Variants in UVRAG observed in about 807,000 individuals in gnomAD.
UVRAG encodes the protein UV radiation resistance associated, also known as UV radiation resistance-associated gene protein.
UVRAG carries 19 observed loss-of-function variants against 78.0 expected under a neutral mutation model. The ratio of observed to expected loss-of-function variants is 0.24; its 90% CI spans 0.17 to 0.36. The LOEUF (loss-of-function observed/expected upper bound fraction) is 0.36, where lower values mean the gene tolerates loss of function less well. Among genes scored for constraint, UVRAG ranks in the 10% least tolerant of loss-of-function variants. UVRAG has a pLI of 1.00. For synonymous variants in UVRAG, 323 were observed against 324.6 expected, an observed-to-expected ratio of 1.00 and a Z score of 0.05; for missense variants, 740 against 853.8, an observed-to-expected ratio of 0.87 and a Z score of 1.66.
At chr11:75,864,704 C>CT (rs1319481380) in intron 3 of UVRAG, among the ~76,000 whole-genome samples, 2 of 152,196 alleles carry the variant, frequency 1.3e-5, no homozygotes, top group African/African-American at 2.4e-5. Context: ...GAATTCTTCC[C>CT]TAAGGATATT....
chr11:76,139,703 C>G (rs1161785560), intron 14 of UVRAG, among the ~76,000 whole-genome samples: 3 of 152,156 alleles, frequency 2.0e-5, no homozygotes, highest in African/African-American at 7.2e-5. Flanking sequence ...CCATCATTTC[C>G]AGGATGTAGA....
At chr11:76,087,321 A>G (rs1247359902) in intron 13 of UVRAG, among the ~76,000 whole-genome samples, 3 of 152,212 alleles carry the variant, frequency 2.0e-5, no homozygotes, top group Non-Finnish European at 4.4e-5. Context: ...GGTGAGCAGT[A>G]TGGTAGGTAG....
At chr11:75,876,144 C>G (rs1409340038) in intron 3 of UVRAG, among the ~76,000 whole-genome samples, 4 of 152,104 alleles carry the variant, frequency 2.6e-5, no homozygotes, top group Non-Finnish European at 4.4e-5. Flanking sequence ...TTTGGAAATT[C>G]TTTGATGTTA....
At chr11:75,941,387 G>C (rs1485888578) in intron 6 of UVRAG, among the ~76,000 whole-genome samples, 1 of 151,924 alleles carries the variant, frequency 6.6e-6, no homozygotes, top group South Asian at 2.1e-4. Context: ...TTTCTAAAAA[G>C]CCTTCTTTAA....
chr11:76,124,840 T>G (rs548611614), intron 14 of UVRAG, among the ~76,000 whole-genome samples: 2 of 152,306 alleles, frequency 1.3e-5, no homozygotes, highest in South Asian at 4.1e-4. Flanking sequence ...ACCTAAGAAC[T>G]TTGACACATT....
At chr11:75,858,332 T>C (rs1946339158) in intron 2 of UVRAG, among the ~76,000 whole-genome samples, 1 of 152,198 alleles carries the variant, frequency 6.6e-6, no homozygotes, top group African/African-American at 2.4e-5. Context: ...TTCTTATTCC[T>C]TTCTCTCCTC....
chr11:75,892,116 C>T (rs1338170016), intron 5 of UVRAG, among the ~76,000 whole-genome samples: 2 of 152,188 alleles, frequency 1.3e-5, no homozygotes, highest in African/African-American at 4.8e-5. Context: ...AAACCAAGGT[C>T]TTCCTCTTAT....
chr11:76,129,357 C>G (rs1022465450), intron 14 of UVRAG, among the ~76,000 whole-genome samples: 1 of 152,250 alleles, frequency 6.6e-6, no homozygotes, highest in South Asian at 2.1e-4. Flanking sequence ...TCATTCCTCT[C>G]TGAATGCTCC....
At chr11:76,009,477 G>T (rs1591127808) in intron 11 of UVRAG, among the ~76,000 whole-genome samples, 1 of 152,142 alleles carries the variant, frequency 6.6e-6, no homozygotes, top group Non-Finnish European at 1.5e-5. Flanking sequence ...GCATATCAGT[G>T]ATCATTTTTA....
chr11:75,954,538 T>C (rs1322601805), intron 6 of UVRAG, among the ~76,000 whole-genome samples: 2 of 152,252 alleles, frequency 1.3e-5, no homozygotes, highest in Non-Finnish European at 2.9e-5. Context: ...TTTGATACAC[T>C]ATTTTGAAGT....
chr11:75,913,229 A>G (rs763835565), intron 6 of UVRAG, among the ~76,000 whole-genome samples: 1 of 152,230 alleles, frequency 6.6e-6, no homozygotes, highest in Non-Finnish European at 1.5e-5. Flanking sequence ...TATGTTCTAA[A>G]TGTGAGATTG....
intron 13 of UVRAG, among the ~76,000 whole-genome samples, chr11:76,089,183 G>T (rs1181105181): frequency 6.6e-6 from 1 of 152,126 alleles, no homozygotes; most frequent in African/African-American, 2.4e-5. Context: ...TGTCTAGGAA[G>T]ATAATGCAGG....
chr11:76,020,256 G>A lies in UVRAG; in HGVS notation c.1226+3276G>A, dbSNP rs905168306. 1.9e-4 allele frequency among the ~76,000 whole-genome samples: 29 copies of A among 152,150 alleles called. 1 individual carries two copies. Among genetic ancestry groups the A allele is most frequent in the Admixed American group, 5.9e-4 (9 of 15,264 alleles). On this transcript the variant is annotated intron_variant, in intron 12 of 14. Transcript: ENST00000356136. ...AGGGTTCCCCTCTGGACCAGGACAC[G>A]TCCAGAAATGCCATCCAAGAGCCAA...
rs1159065817 is a variant in UVRAG, at chr11:75,859,065, T to A, written c.236-2681T>A. Reference sequence around the variant, plus strand: ...ATGGTCTTTTTCATGTAGAAGTAGGTCTTGAATGATATCTTTTTGAAAATT... The same window carrying A: ...ATGGTCTTTTTCATGTAGAAGTAGGACTTGAATGATATCTTTTTGAAAATT... On this transcript the variant is annotated intron_variant, in intron 2 of 14. Coordinates refer to ENST00000356136, the MANE Select transcript of UVRAG (RefSeq NM_003369.4). Among the ~76,000 whole-genome samples the A allele has an allele frequency of 2.0e-5, 3 of 152,130 alleles. No homozygotes were observed. In the East Asian group the frequency reaches 5.8e-4, roughly 29 times the overall value.
intron 5 of UVRAG, among the ~76,000 whole-genome samples, chr11:75,907,143 T>G (rs60594722): frequency 0.029 from 4,374 of 152,290 alleles, 220 homozygotes; most frequent in African/African-American, 0.1. Flanking sequence ...AGTCTTTATA[T>G]CCGTGAACAT....
chr11:76,120,461 T>G (rs982263147), intron 14 of UVRAG, among the ~76,000 whole-genome samples: 1 of 152,184 alleles, frequency 6.6e-6, no homozygotes, highest in Admixed American at 6.5e-5. Flanking sequence ...CTCTCAGTTC[T>G]AAGGTACGGA....
intron 12 of UVRAG, among the ~76,000 whole-genome samples, chr11:76,048,372 T>G (rs1250633130): frequency 2.6e-5 from 4 of 152,200 alleles, no homozygotes; most frequent in African/African-American, 7.2e-5. Context: ...ATAACAAATA[T>G]GAGGCTATAA....
intron 4 of UVRAG, among the ~76,000 whole-genome samples, chr11:75,886,665 T>C (rs953155909): frequency 4.6e-5 from 7 of 152,208 alleles, no homozygotes; most frequent in African/African-American, 1.4e-4. Context: ...ACAGGGAGTA[T>C]GTGATTAATT....
intron 3 of UVRAG, among the ~76,000 whole-genome samples, chr11:75,874,814 A>C (rs1946729829): frequency 6.6e-6 from 1 of 152,220 alleles, no homozygotes; most frequent in African/African-American, 2.4e-5. Context: ...GACACAGGGA[A>C]TTATGCAGTT....
Sources: gnomAD v4.1 joint callset for allele counts (sites outside exome capture counted in the v4.1 genomes callset) on GRCh38, gnomAD v4.1.1 for gene constraint, MANE v1.5 for transcripts, NCBI Gene and HGNC (gene_info 2026-07-23, HGNC 2026-07-21) for gene names.